Variants in PROSER1 observed in about 807,000 individuals in gnomAD.
PROSER1 encodes proline and serine-rich protein 1.
PROSER1 carries 36 observed loss-of-function variants against 71.8 expected under a neutral mutation model. The ratio of observed to expected loss-of-function variants is 0.50; its 90% CI spans 0.38 to 0.66. The LOEUF (loss-of-function observed/expected upper bound fraction) is 0.66. Ranked by LOEUF, PROSER1 falls within the 30% of genes least tolerant of loss-of-function variation. The pLI is 0.00. For missense variants in PROSER1, 1,107 were observed against 1,135.0 expected (o/e 0.98, Z 0.35); for synonymous variants, 490 against 452.4 (o/e 1.08, Z -1.06).
intron 10 of PROSER1, among the ~76,000 whole-genome samples, chr13:39,015,000 C>G (rs998690131): frequency 6.6e-6 from 1 of 152,052 alleles, no homozygotes; most frequent in African/African-American, 2.4e-5. Flanking sequence ...ACAGTTGCCC[C>G]GCCCCACCCC....
rs572831151 is a variant in PROSER1 at position 39,025,171 on chromosome 13, A to G, written c.481-615T>C. Among the ~76,000 whole-genome samples, 18 of 152,308 alleles carry G rather than the reference A, an allele frequency of 1.2e-4. No individual in the cohort carries two copies. The East Asian group carries it at 3.3e-3, about 28-fold the overall frequency. The stretch of plus-strand genomic sequence containing the variant: ...TGTTACAGTTGAAAGTAGATAAGAA[A>G]AAATGGTGTTCTCTATAAAGATTAA... On this transcript the variant is annotated intron_variant, in intron 6 of 12. Coordinates refer to ENST00000352251, the MANE Select transcript of PROSER1 (RefSeq NM_025138.5).
rs1045873486 is a variant in PROSER1, at chr13:39,011,972, A to T, written c.2712+111T>A. 1.9e-5 allele frequency: 22 copies of T among 1,153,736 alleles called. No individual in the cohort carries two copies. In the African/African-American group the frequency reaches 2.8e-4, roughly 15 times the overall value. The allele number at this position is 1,153,736 out of a possible 1,614,324, so 71.5% of individuals were successfully genotyped here. A position where few individuals can be genotyped will look rare whatever the true frequency, so the allele number is the denominator to read the frequency against. On this transcript the variant is annotated intron_variant, in intron 12 of 12. Coordinates refer to ENST00000352251, the MANE Select transcript of PROSER1 (RefSeq NM_025138.5). ...CATCAAATCTCTATGCATTCTGCTAAGAGCCATTTTTTGCCAATGTTGGGA... is the reference window on the plus strand; with the variant it reads ...CATCAAATCTCTATGCATTCTGCTATGAGCCATTTTTTGCCAATGTTGGGA...
chr13:39,016,918 A>T (rs1870032898), intron 10 of PROSER1, among the ~76,000 whole-genome samples: 1 of 152,196 alleles, frequency 6.6e-6, no homozygotes, highest in Non-Finnish European at 1.5e-5. Context: ...TTTGTCTCAT[A>T]CAAGAAAGCC....
In PROSER1 at chr13:39,012,727, C is replaced by T. The variant is rs748251142; in HGVS notation, c.2525G>A (p.Ser842Asn). ...AACAAGAGCGGAGTTGAAATTGGAA[C>T]TGAATGCTGAGGCGAATCCTGGGAG... Reference protein sequence around the residue: ...PVLPGFASAFSSNFNSALVAQ... With the variant: ...PVLPGFASAFNSNFNSALVAQ... Residue 842 changes from serine to asparagine, a missense_variant, in exon 11 of 13, where the codon AGT (serine) becomes AAT (asparagine). Transcript: ENST00000352251. 1.2e-6 allele frequency: 2 copies of T among 1,602,268 alleles called. No individual in the cohort carries two copies. Among genetic ancestry groups the T allele is most frequent in the Non-Finnish European group, 1.7e-6 (2 of 1,174,642 alleles).
Position 39,011,378 on chromosome 13 carries a change from C to G in PROSER1, c.2822G>C (p.Ser941Thr). Reference sequence around the variant, plus strand: ...AGTTAAAAGTATTCACTGCCACCCACTCTGGGACAGGCTTGGTTGCAAAGA... The same window carrying G: ...AGTTAAAAGTATTCACTGCCACCCAGTCTGGGACAGGCTTGGTTGCAAAGA... ...PFSLQPSLSQSGWQ is the reference protein window; with the variant it reads ...PFSLQPSLSQTGWQ Residue 941 changes from serine to threonine, a missense_variant, in exon 13 of 13, where the codon AGT becomes ACT. Ser to Thr is a moderately conservative substitution (Grantham distance 58). Transcript: ENST00000352251. 1 of 1,614,148 alleles carries G rather than the reference C, an allele frequency of 6.2e-7. No individual in the cohort carries two copies. Among genetic ancestry groups the G allele is most frequent in the South Asian group, 1.1e-5 (1 of 91,088 alleles).
chr13:39,024,699 C>A lies in PROSER1; in HGVS notation c.481-143G>T, dbSNP rs1008380093. On this transcript the variant is annotated intron_variant, in intron 6 of 12. Transcript: ENST00000352251. Reference sequence around the variant, plus strand: ...CTTGCATTCCCATTTCAGTTCTGCACTGGCTGGCGGCATGACCCTGATAAG... The same window carrying A: ...CTTGCATTCCCATTTCAGTTCTGCAATGGCTGGCGGCATGACCCTGATAAG... The A allele has an allele frequency of 4.6e-5, 29 of 628,256 alleles. No homozygotes were observed. In the African/African-American group the frequency reaches 5.1e-4, roughly 11 times the overall value. The allele number at this position is 628,256 out of a possible 1,614,324, so 38.9% of individuals were successfully genotyped here.
At chr13:39,030,667 A>C (rs945037096) in intron 3 of PROSER1, among the ~76,000 whole-genome samples, 1 of 152,050 alleles carries the variant, frequency 6.6e-6, no homozygotes, top group Non-Finnish European at 1.5e-5. Context: ...GCCTCAAGCG[A>C]TTCTCCTATC....
rs1354905293 is a variant in PROSER1 at position 39,026,316 on chromosome 13, A to G, written c.441T>C (p.Tyr147=). 6.2e-7 allele frequency: 1 copy of G among 1,612,782 alleles called. No individual in the cohort carries two copies. Residue 147 remains tyrosine, a synonymous_variant, in exon 6 of 13, where the codon TAT becomes TAC. Transcript: ENST00000352251. ...TTATGCGGCTAGGTCTTCCTTTGGG[A>G]TATGGATTTCCTGGGATTGTTCCAC... is the stretch of plus-strand genomic sequence containing the variant. The part of the protein sequence containing the change: ...SSCGTIPGNP[Y]PKGRPSRING...
At position 39,013,251 on chromosome 13, in the gene PROSER1, A is replaced by G. The variant is rs1171891126; in HGVS notation, c.2001T>C (p.Ser667=). The G allele has an allele frequency of 6.8e-6, 11 of 1,614,148 alleles. No homozygotes were observed. Among genetic ancestry groups the G allele is most frequent in the Non-Finnish European group, 9.3e-6 (11 of 1,180,034 alleles). The change falls in exon 11 of 13, where the codon AGT becomes AGC. Residue 667 remains serine (S), a synonymous_variant. Coordinates refer to ENST00000352251, the MANE Select transcript of PROSER1 (RefSeq NM_025138.5). The stretch of plus-strand genomic sequence containing the variant: ...GAGGATTTGAACCATTTAAAGGAGT[A>G]CTCAAGCTGGAGAGACCTGACAATG... ...NPALSGLSSL[S]TPLNGSNPLS... is the part of the protein sequence containing the mutation.
chr13:39,013,279 G>C lies in PROSER1; in HGVS notation c.1973C>G (p.Pro658Arg). ...VPISLSACLN[P>R]ALSGLSSLST... ...CAAGCTGGAGAGACCTGACAATGCA[G>C]GATTAAGGCAAGCAGATAAACTGAT... Residue 658 changes from proline to arginine, a missense_variant, in exon 11 of 13, where the codon CCT becomes CGT. Coordinates refer to ENST00000352251, the MANE Select transcript of PROSER1 (RefSeq NM_025138.5). 2 of 1,614,154 alleles carry C rather than the reference G, an allele frequency of 1.2e-6. No individual in the cohort carries two copies. The highest frequency in any genetic ancestry group is 1.7e-6 in the Non-Finnish European group (2 of 1,180,034).
intron 10 of PROSER1, among the ~76,000 whole-genome samples, chr13:39,015,892 G>T (rs1869987351): frequency 6.6e-6 from 1 of 152,056 alleles, no homozygotes; most frequent in Admixed American, 6.5e-5. Context: ...AGAACTAAAA[G>T]GATAAGGAAT....
intron 7 of PROSER1, chr13:39,023,506 C>T (rs1015199609): frequency 3.0e-5 from 5 of 165,560 alleles, no homozygotes; most frequent in Middle Eastern, 3.0e-3. Context: ...TCTCAAATTA[C>T]GCAAGAACTC....
intron 1 of PROSER1, among the ~76,000 whole-genome samples, chr13:39,035,566 CTAAT>C (rs1431239039): frequency 6.6e-6 from 1 of 152,214 alleles, no homozygotes; most frequent in Non-Finnish European, 1.5e-5. Context: ...TAAGTGCTCA[CTAAT>C]TAATAGCTAT....
intron 3 of PROSER1, among the ~76,000 whole-genome samples, chr13:39,030,387 A>G (rs913535286): frequency 1.3e-5 from 2 of 152,180 alleles, no homozygotes; most frequent in South Asian, 2.1e-4. Flanking sequence ...TTTAATTCAA[A>G]TAAGTGTATT....
rs79415642 is a variant in PROSER1, at chr13:39,031,719, G to A, written c.112-88C>T. ...AGTACTTGAAATTATAATTCGACAC[G>A]TGCAGCCCAGGCCCAGGTGATACAG... is the stretch of plus-strand genomic sequence containing the variant. On this transcript the variant is annotated intron_variant, in intron 2 of 12. Coordinates refer to ENST00000352251, the MANE Select transcript of PROSER1 (RefSeq NM_025138.5). The A allele has an allele frequency of 1.4e-3, 1,581 of 1,169,422 alleles. 35 individuals are homozygous for A. In the East Asian group the frequency reaches 0.035, roughly 26 times the overall value. 72.4% of individuals were successfully genotyped at this position (1,169,422 alleles called of 1,614,324 possible).
rs751882439 is a variant in PROSER1, at chr13:39,031,724, G to A, written c.112-93C>T. On this transcript the variant is annotated intron_variant, in intron 2 of 12. Transcript: ENST00000352251. ...TTGAAATTATAATTCGACACGTGCA[G>A]CCCAGGCCCAGGTGATACAGGTGGC... 7 of 1,055,126 alleles carry A rather than the reference G, an allele frequency of 6.6e-6. No individual in the cohort carries two copies. The Admixed American group carries it at 1.4e-4, about 21-fold the overall frequency. The allele number at this position is 1,055,126 out of a possible 1,614,324, so 65.4% of individuals were successfully genotyped here. A position where few individuals can be genotyped will look rare whatever the true frequency, so the allele number is the denominator to read the frequency against.
At chr13:39,024,577 A>AG (rs200677404) in intron 6 of PROSER1, 21 bp from the exon 7 acceptor site, 7 of 1,414,080 alleles carry the variant, frequency 5.0e-6, no homozygotes, top group African/African-American at 1.5e-5. Context: ...AAAAAAAAAA[A>AG]GGTAATTGAA....
intron 3 of PROSER1, among the ~76,000 whole-genome samples, chr13:39,031,041 A>G (rs1166167142): frequency 6.6e-6 from 1 of 152,110 alleles, no homozygotes; most frequent in African/African-American, 2.4e-5. Context: ...TGTGATCCAG[A>G]TGCTCCTGTT....
Position 39,014,470 on chromosome 13 carries a change from G to A in PROSER1, c.782C>T (p.Ser261Phe), listed in dbSNP as rs778815292. ...AGAAAAGAGTTGACTTGCTGGGGTGGAAAATGCTATATGGAAGGGGGAAAA... is the reference window on the plus strand; with the variant it reads ...AGAAAAGAGTTGACTTGCTGGGGTGAAAAATGCTATATGGAAGGGGGAAAA... ...PSKPIQNQTF[S>F]TPASQLFSPH... The change falls in exon 11 of 13, where the codon TCC (serine) becomes TTC (phenylalanine). Residue 261 changes from serine (S) to phenylalanine (F), a missense_variant. Ser to Phe is a radical substitution (Grantham distance 155, BLOSUM62 -2). Transcript: ENST00000352251. 1.2e-6 allele frequency: 2 copies of A among 1,604,656 alleles called. No homozygotes were observed. The highest frequency in any genetic ancestry group is 1.1e-5 in the South Asian group (1 of 90,390).
Sources: allele counts gnomAD v4.1 joint callset (sites outside exome capture counted in the v4.1 genomes callset), GRCh38; gene constraint gnomAD v4.1.1; transcripts MANE v1.5; gene names NCBI Gene and HGNC (gene_info 2026-07-23, HGNC 2026-07-21).